The following APAF1 variants were observed in gnomAD, a reference collection of about 807,000 sequenced individuals.
APAF1 encodes the protein apoptotic peptidase activating factor 1, also known as apoptotic protease-activating factor 1.
APAF1 carries 91 observed loss-of-function variants against 152.4 expected under a neutral mutation model. The ratio of observed to expected loss-of-function variants is 0.60; its 90% CI spans 0.50 to 0.71. The LOEUF (loss-of-function observed/expected upper bound fraction) is 0.71. Among genes scored for constraint, APAF1 ranks in the 30% least tolerant of loss-of-function variants. The pLI is 0.00. For missense variants in APAF1, 1,283 were observed against 1,472.0 expected (o/e 0.87, Z 2.10); for synonymous variants, 484 against 494.1 (o/e 0.98, Z 0.27).
chr12:98,679,205 C>G (rs1429121732), intron 13 of APAF1, among the ~76,000 whole-genome samples: 1 of 152,182 alleles, frequency 6.6e-6, no homozygotes, highest in Admixed American at 6.5e-5. Context: ...TGAGCAGACA[C>G]TGGGACAACC....
At chr12:98,688,925 A>G (rs1160981966) in intron 16 of APAF1, among the ~76,000 whole-genome samples, 2 of 151,310 alleles carry the variant, frequency 1.3e-5, no homozygotes, top group African/African-American at 4.9e-5. Flanking sequence ...TGATCCTCCC[A>G]CCTCAGCCTC....
At chr12:98,655,656 T>G (rs933756226) in intron 4 of APAF1, among the ~76,000 whole-genome samples, 2 of 152,192 alleles carry the variant, frequency 1.3e-5, no homozygotes, top group African/African-American at 4.8e-5. Context: ...CTTTGTCACC[T>G]AGGCTGGAGT....
intron 5 of APAF1, 79 bp downstream of exon 5, chr12:98,659,422 A>T: frequency 1.4e-6 from 2 of 1,448,756 alleles, no homozygotes; most frequent in Non-Finnish European, 1.9e-6. Context: ...TGAGAACATC[A>T]TGCCTTTTTC....
intron 26 of APAF1, among the ~76,000 whole-genome samples, chr12:98,732,143 C>T (rs1400229391): frequency 6.6e-6 from 1 of 152,154 alleles, no homozygotes; most frequent in South Asian, 2.1e-4. Context: ...GACTCTATAG[C>T]TTCCTGTCTG....
intron 4 of APAF1, among the ~76,000 whole-genome samples, chr12:98,652,670 A>G (rs1227254017): frequency 6.6e-6 from 1 of 151,562 alleles, no homozygotes; most frequent in Non-Finnish European, 1.5e-5. Flanking sequence ...CTTGTTGCCC[A>G]GGCTGGAGTG....
intron 10 of APAF1, among the ~76,000 whole-genome samples, chr12:98,667,862 C>G (rs1334643602): frequency 1.3e-5 from 2 of 149,542 alleles, no homozygotes; most frequent in Non-Finnish European, 3.0e-5. Context: ...CCCTCACCTC[C>G]TGGGCTCAAG....
chr12:98,653,678 AAAAAAAAAAAAAAATATATATATAT>A (rs2097651967), intron 4 of APAF1, among the ~76,000 whole-genome samples: 3 of 67,068 alleles, frequency 4.5e-5, no homozygotes, highest in Admixed American at 1.9e-4. Context: ...AAAAAAAAAA[AAAAAAAAAAAAAAATATATATATAT>A]ATATATATAT....
intron 26 of APAF1, among the ~76,000 whole-genome samples, chr12:98,728,788 A>G (rs1339714431): frequency 6.6e-6 from 1 of 152,220 alleles, no homozygotes; most frequent in East Asian, 1.9e-4. Context: ...CCAGGACTCA[A>G]ACCCAGGTCT....
Position 98,665,604 on chromosome 12 carries a change from A to G in APAF1, c.1007A>G (p.Asn336Ser), listed in dbSNP as rs765641337. ...GGTGCACTTTTACGTGATTTTCCCA[A>G]TCGCTGGGAGTACTACCTCAAACAG... ...LIGALLRDFP[N>S]RWEYYLKQLQ... Residue 336 changes from asparagine (N) to serine (S), a missense_variant, in exon 8 of 27, where the codon AAT becomes AGT. By Grantham distance (46) the Asn-to-Ser change is conservative (BLOSUM62 1). Transcript: ENST00000551964. 17 of 1,613,768 alleles carry G rather than the reference A, an allele frequency of 1.1e-5. No homozygotes were observed. The highest frequency in any genetic ancestry group is 3.3e-5 in the Admixed American group (2 of 59,958).
At position 98,670,983 on chromosome 12, in the gene APAF1, C is replaced by G; in HGVS notation, c.1505C>G (p.Ala502Gly). ...TTTTGTTTTTTAAAGGAACTTTGTG[C>G]TTTAATGTTTTCCCTGGATTGGATT... ...ASAKMHKELC[A>G]LMFSLDWIKA... Residue 502 changes from alanine (A) to glycine (G), a missense_variant, in exon 11 of 27, where the codon GCT (alanine) becomes GGT (glycine). By Grantham distance (60) the Ala-to-Gly change is moderately conservative. Transcript: ENST00000551964. The G allele has an allele frequency of 1.9e-6, 3 of 1,611,746 alleles. No homozygotes were observed. The highest frequency in any genetic ancestry group is 2.5e-6 in the Non-Finnish European group (3 of 1,178,386).
chr12:98,682,210 CGCCTG>C (rs2097693150), intron 14 of APAF1, among the ~76,000 whole-genome samples: 1 of 152,018 alleles, frequency 6.6e-6, no homozygotes, highest in Non-Finnish European at 1.5e-5. Context: ...GCCGCCACCG[CGCCTG>C]GCTAATTTTT....
At chr12:98,685,648 CT>C (rs2097697253) in intron 15 of APAF1, among the ~76,000 whole-genome samples, 2 of 148,632 alleles carry the variant, frequency 1.3e-5, no homozygotes, top group Admixed American at 1.4e-4. Context: ...AACTCCTCCA[CT>C]TTTTTGAATA....
At chr12:98,695,625 C>A (rs1280874536) in intron 16 of APAF1, among the ~76,000 whole-genome samples, 1 of 152,206 alleles carries the variant, frequency 6.6e-6, no homozygotes, top group African/African-American at 2.4e-5. Flanking sequence ...AAAAGACTTT[C>A]TCTTAATTTT....
intron 22 of APAF1, among the ~76,000 whole-genome samples, chr12:98,722,768 C>T (rs1005480693): frequency 5.9e-5 from 9 of 152,176 alleles, no homozygotes; most frequent in Non-Finnish European, 1.2e-4. Flanking sequence ...GATCAACTGG[C>T]CTTCCCAGGC....
At chr12:98,654,816 C>CTTTTTTTTTTTTTTTTTTTT (rs758991431) in intron 4 of APAF1, among the ~76,000 whole-genome samples, 16 of 116,770 alleles carry the variant, frequency 1.4e-4, no homozygotes, top group East Asian at 4.8e-4. Flanking sequence ...GTAGTATTTT[C>CTTTTTTTTTTTTTTTTTTTT]TTTTTTTTTT....
intron 4 of APAF1, among the ~76,000 whole-genome samples, chr12:98,656,298 A>G (rs575662140): frequency 9.0e-4 from 137 of 152,206 alleles, no homozygotes; most frequent in Non-Finnish European, 1.7e-3. Flanking sequence ...CTGCAATTAT[A>G]AATATATACA....
intron 21 of APAF1, among the ~76,000 whole-genome samples, 186 bp from the exon 22 acceptor site, chr12:98,715,241 T>C (rs1224104402): frequency 5.5e-5 from 2 of 36,040 alleles, no homozygotes; most frequent in East Asian, 5.8e-3. Flanking sequence ...TGTGCATATA[T>C]ATATATATAT....
chr12:98,695,883 CT>C (rs1358112245), intron 16 of APAF1, among the ~76,000 whole-genome samples: 2 of 152,136 alleles, frequency 1.3e-5, no homozygotes, highest in African/African-American at 2.4e-5. Context: ...CTTCCTGAGT[CT>C]TTTTGGAGTT....
At chr12:98,660,655 A>G (rs2097663890) in intron 5 of APAF1, among the ~76,000 whole-genome samples, 2 of 152,146 alleles carry the variant, frequency 1.3e-5, no homozygotes, top group Admixed American at 6.5e-5. Context: ...CCTCTCTTTC[A>G]TTTGTTCATT....
Sources: allele counts gnomAD v4.1 joint callset (sites outside exome capture counted in the v4.1 genomes callset), GRCh38; gene constraint gnomAD v4.1.1; transcripts MANE v1.5; gene names NCBI Gene and HGNC (gene_info 2026-07-23, HGNC 2026-07-21).